The following ZNF536 variants were observed in gnomAD, a reference collection of about 807,000 sequenced individuals.
ZNF536 encodes the protein zinc finger protein 536.
A neutral mutation model predicts 84.5 loss-of-function variants in ZNF536; 13 were observed. The ratio of observed to expected loss-of-function variants is 0.15; its 90% CI spans 0.10 to 0.24. The LOEUF (loss-of-function observed/expected upper bound fraction) is 0.24, where lower values mean the gene tolerates loss of function less well. Ranked by LOEUF, ZNF536 falls within the 10% of genes least tolerant of loss-of-function variation. The pLI is 1.00. For synonymous variants in ZNF536, 811 were observed against 742.5 expected (o/e 1.09, Z -1.50); for missense variants, 1,536 against 1,747.5 (o/e 0.88, Z 2.16).
At chr19:30,559,395 G>A (rs1454812488), downstream of ZNF536, among the ~76,000 whole-genome samples, 1 of 152,254 alleles carries the variant, frequency 6.6e-6, no homozygotes, top group African/African-American at 2.4e-5. Context: ...GGCCAAGCCT[G>A]TACAAGAAGT....
chr19:30,318,620 CAAG>C (rs146346135), intron 2 of ZNF536, among the ~76,000 whole-genome samples: 1 of 152,354 alleles, frequency 6.6e-6, no homozygotes, highest in East Asian at 1.9e-4. Flanking sequence ...ATTGGGCTAA[CAAG>C]AGGCACATTA....
chr19:30,410,712 T>C (rs1021510421), intron 1 of ZNF536, among the ~76,000 whole-genome samples: 5 of 152,110 alleles, frequency 3.3e-5, no homozygotes, highest in African/African-American at 1.2e-4. Context: ...TCTCCTGACC[T>C]CGTGATCCGC....
intron 1 of ZNF536, among the ~76,000 whole-genome samples, chr19:30,658,718 T>C (rs1171788257): frequency 1.3e-5 from 2 of 152,202 alleles, no homozygotes; most frequent in African/African-American, 4.8e-5. Flanking sequence ...TCTTCCTCTT[T>C]TTTTTTCTGG....
chr19:30,295,688 C>T (rs117533297), intron 2 of ZNF536, among the ~76,000 whole-genome samples: 2,457 of 152,244 alleles, frequency 0.016, 35 homozygotes, highest in Non-Finnish European at 0.026. Context: ...ATTCCGTGCA[C>T]ATCTGTTTTA....
At chr19:30,332,249 C>G (rs1036046690) in intron 2 of ZNF536, among the ~76,000 whole-genome samples, 1 of 152,208 alleles carries the variant, frequency 6.6e-6, no homozygotes, top group Non-Finnish European at 1.5e-5. Context: ...GGATCTTCCT[C>G]ACTCTCCCTC....
At chr19:30,525,921 G>T (rs943713873) in intron 2 of ZNF536, among the ~76,000 whole-genome samples, 5 of 152,160 alleles carry the variant, frequency 3.3e-5, no homozygotes, top group Non-Finnish European at 7.4e-5. Context: ...ACAGCTGGAG[G>T]TTATTCTAAA....
At chr19:30,545,706 C>T (rs2045525992) in intron 3 of ZNF536, among the ~76,000 whole-genome samples, 1 of 152,026 alleles carries the variant, frequency 6.6e-6, no homozygotes, top group African/African-American at 2.4e-5. Flanking sequence ...CTCCTGTGTG[C>T]CTTTCAAACA....
chr19:30,536,959 C>T (rs2045108443), intron 3 of ZNF536, among the ~76,000 whole-genome samples: 1 of 152,206 alleles, frequency 6.6e-6, no homozygotes, highest in African/African-American at 2.4e-5. Context: ...AGTGGACCCC[C>T]CGCCCCACCA....
At chr19:30,537,541 C>T (rs1259094013) in intron 3 of ZNF536, among the ~76,000 whole-genome samples, 3 of 152,152 alleles carry the variant, frequency 2.0e-5, no homozygotes, top group African/African-American at 4.8e-5. Context: ...TGCCTCTCAA[C>T]GAGGGGCTCC....
At chr19:30,400,926 C>G (rs895501473) in intron 1 of ZNF536, among the ~76,000 whole-genome samples, 19 of 152,078 alleles carry the variant, frequency 1.2e-4, no homozygotes, top group South Asian at 4.1e-4. Flanking sequence ...ATTTAAGAAC[C>G]ATTTGCCCAG....
At chr19:30,297,976 G>T (rs1159147657) in intron 2 of ZNF536, among the ~76,000 whole-genome samples, 1 of 150,758 alleles carries the variant, frequency 6.6e-6, no homozygotes, top group African/African-American at 2.5e-5. Context: ...TGCCTCCCAG[G>T]TTCAAAGGAT....
At chr19:30,690,911 G>C (rs192013627) in intron 1 of ZNF536, among the ~76,000 whole-genome samples, 1 of 151,874 alleles carries the variant, frequency 6.6e-6, no homozygotes, top group Non-Finnish European at 1.5e-5. Context: ...GCAATGCTTG[G>C]TTTTTTTTCT....
intron 2 of ZNF536, among the ~76,000 whole-genome samples, chr19:30,501,000 AG>A (rs1166624275): frequency 6.6e-6 from 1 of 152,134 alleles, no homozygotes; most frequent in Non-Finnish European, 1.5e-5. Flanking sequence ...TCAGGATTGG[AG>A]CGAGAAGGTT....
chr19:30,672,394 C>T (rs1005826577), intron 1 of ZNF536, among the ~76,000 whole-genome samples: 5 of 152,238 alleles, frequency 3.3e-5, no homozygotes, highest in East Asian at 1.9e-4. Flanking sequence ...TTTGAAATAG[C>T]GAATTGGTGA....
intron 2 of ZNF536, among the ~76,000 whole-genome samples, chr19:30,328,168 GT>G (rs1470188621): frequency 1.3e-5 from 2 of 152,226 alleles, no homozygotes; most frequent in African/African-American, 4.8e-5. Context: ...CCTTGTGTGT[GT>G]TCAGCTCTGC....
intron 1 of ZNF536, among the ~76,000 whole-genome samples, chr19:30,589,687 G>T (rs571580403): frequency 2.0e-5 from 3 of 152,316 alleles, no homozygotes; most frequent in African/African-American, 7.2e-5. Flanking sequence ...AGCACTGGGG[G>T]ACAAGGTAGA....
intron 1 of ZNF536, among the ~76,000 whole-genome samples, chr19:30,231,980 T>G (rs1479154210): frequency 6.6e-6 from 1 of 152,024 alleles, no homozygotes; most frequent in Non-Finnish European, 1.5e-5. Context: ...AATGAAGAAA[T>G]CAGGAAATAC....
chr19:30,635,230 A>G (rs2049025815), intron 1 of ZNF536, among the ~76,000 whole-genome samples: 1 of 152,214 alleles, frequency 6.6e-6, no homozygotes, highest in Non-Finnish European at 1.5e-5. Context: ...ACGCTAAGTA[A>G]AGAAACAGGC....
intron 1 of ZNF536, among the ~76,000 whole-genome samples, chr19:30,686,869 T>G (rs994155802): frequency 2.0e-5 from 3 of 152,134 alleles, no homozygotes; most frequent in Non-Finnish European, 2.9e-5. Context: ...ATAAGAGAGA[T>G]AGATGGCTTT....
Sources: allele counts gnomAD v4.1 joint callset (sites outside exome capture counted in the v4.1 genomes callset), GRCh38; gene constraint gnomAD v4.1.1; transcripts MANE v1.5; gene names NCBI Gene and HGNC (gene_info 2026-07-23, HGNC 2026-07-21).